Variants in RAB20 observed in about 807,000 individuals in gnomAD.
RAB20 encodes ras-related protein Rab-20.
In RAB20, 2 loss-of-function variants were observed where a neutral mutation model predicts 3.7. The ratio of observed to expected loss-of-function variants is 0.54; its 90% confidence interval spans 0.22 to 1.69. The LOEUF (loss-of-function observed/expected upper bound fraction) is 1.69. RAB20 is among the 40% of genes most tolerant of loss of function. RAB20 has a pLI of 0.19. For synonymous variants in RAB20, 126 were observed against 130.8 expected (o/e 0.96, Z 0.25); for missense variants, 276 against 311.9 (o/e 0.88, Z 0.87).
In RAB20 at chr13:110,537,804, C is replaced by T. The variant is rs115660406; in HGVS notation, c.173-13607G>A. On this transcript the variant is annotated intron_variant, in intron 1 of 1. Transcript: ENST00000267328. The stretch of plus-strand genomic sequence containing the variant: ...GGACCCTGCGGGGCTCAGTGCATCA[C>T]CCCCAGCCCAGATGAGACAAGCATG... Among the ~76,000 whole-genome samples the T allele has an allele frequency of 8.8e-3, 1,337 of 152,174 alleles. 21 individuals are homozygous for T. Among genetic ancestry groups the T allele is most frequent in the African/African-American group, 0.031 (1,277 of 41,522 alleles).
At chr13:110,554,996 G>A (rs1356896139) in intron 1 of RAB20, among the ~76,000 whole-genome samples, 6 of 17,968 alleles carry the variant, frequency 3.3e-4, no homozygotes, top group South Asian at 3.0e-3. Flanking sequence ...CCCTGGCACC[G>A]TGTCAGGGAG....
At chr13:110,549,168 T>A (rs553225459) in intron 1 of RAB20, among the ~76,000 whole-genome samples, 3 of 152,324 alleles carry the variant, frequency 2.0e-5, no homozygotes, top group Admixed American at 2.0e-4. Flanking sequence ...ATCTTGTGAG[T>A]CCACAAAACA....
chr13:110,556,432 G>C (rs906922008), intron 1 of RAB20, among the ~76,000 whole-genome samples: 1 of 152,206 alleles, frequency 6.6e-6, no homozygotes, highest in Non-Finnish European at 1.5e-5. Flanking sequence ...CCTCCAGAAA[G>C]GAATGCAATC....
intron 1 of RAB20, among the ~76,000 whole-genome samples, chr13:110,557,217 G>A (rs917241410): frequency 2.0e-5 from 3 of 152,210 alleles, no homozygotes; most frequent in Non-Finnish European, 2.9e-5. Flanking sequence ...CAGCTGAGTC[G>A]TGCCCCACAG....
chr13:110,556,028 C>T (rs1201858871), intron 1 of RAB20, among the ~76,000 whole-genome samples: 2 of 152,322 alleles, frequency 1.3e-5, no homozygotes, highest in East Asian at 1.9e-4. Context: ...GAGAACCTTG[C>T]CAGTGTTAAC....
At chr13:110,534,617 G>A (rs986266818) in intron 1 of RAB20, among the ~76,000 whole-genome samples, 2 of 152,120 alleles carry the variant, frequency 1.3e-5, no homozygotes, top group African/African-American at 4.8e-5. Flanking sequence ...AGGGTTCCTT[G>A]CCCGGGCAGT....
At chr13:110,549,734 T>TC (rs1884918541) in intron 1 of RAB20, among the ~76,000 whole-genome samples, 1 of 151,450 alleles carries the variant, frequency 6.6e-6, no homozygotes, top group Admixed American at 6.6e-5. Flanking sequence ...TTTTTTTTTT[T>TC]AATTGAGATG....
chr13:110,533,041 G>A (rs1186081969), intron 1 of RAB20, among the ~76,000 whole-genome samples: 1 of 152,210 alleles, frequency 6.6e-6, no homozygotes, highest in Non-Finnish European at 1.5e-5. Flanking sequence ...CCCCTGGCAG[G>A]GAGCTCACAA....
At chr13:110,524,296 T>C in intron 1 of RAB20, 99 bp from the exon 2 acceptor site, 1 of 1,442,200 alleles carries the variant, frequency 6.9e-7, no homozygotes, top group South Asian at 1.4e-5. Flanking sequence ...ATGTTTATTT[T>C]TAGGGCAACA....
At chr13:110,524,760 G>T (rs1261454696) in intron 1 of RAB20, among the ~76,000 whole-genome samples, 1 of 152,172 alleles carries the variant, frequency 6.6e-6, no homozygotes, top group Non-Finnish European at 1.5e-5. Flanking sequence ...AACCACACCT[G>T]CCCTTATCTG....
At chr13:110,528,235 A>G (rs1325814046) in intron 1 of RAB20, among the ~76,000 whole-genome samples, 1 of 151,774 alleles carries the variant, frequency 6.6e-6, no homozygotes, top group Non-Finnish European at 1.5e-5. Context: ...TGACCAACGC[A>G]GAGAAAACCC....
rs765602650 is a variant in RAB20, at chr13:110,524,183, G to T, written c.187C>A (p.His63Asn). ...CGGCAGTACATGGAGCCCAGGCCGT[G>T]GAACTGCTCCCGCCCTGGTGGGAAG... Reference protein sequence around the residue: ...IWDTAGREQFHGLGSMYCRGA... With the variant: ...IWDTAGREQFNGLGSMYCRGA... The change falls in exon 2 of 2, where the codon CAC (histidine) becomes AAC (asparagine). Residue 63 changes from histidine (H) to asparagine (N), a missense_variant. By Grantham distance (68) the His-to-Asn change is moderately conservative. Transcript: ENST00000267328. 6.3e-7 allele frequency: 1 copy of T among 1,595,000 alleles called. No homozygotes were observed. Among genetic ancestry groups the T allele is most frequent in the Admixed American group, 1.7e-5 (1 of 59,648 alleles).
chr13:110,561,236 T>C, intron 1 of RAB20, 112 bp downstream of exon 1: 1 of 1,322,224 alleles, frequency 7.6e-7, no homozygotes. Flanking sequence ...AGGAGGCATT[T>C]GCTGTCCGAG....
chr13:110,531,437 T>C (rs989830686), intron 1 of RAB20, among the ~76,000 whole-genome samples: 1 of 152,226 alleles, frequency 6.6e-6, no homozygotes, highest in African/African-American at 2.4e-5. Flanking sequence ...CAGAGCGTTC[T>C]GGTAAACAGC....
At position 110,535,021 on chromosome 13, in the gene RAB20, A is replaced by T. The variant is rs548313311; in HGVS notation, c.173-10824T>A. On this transcript the variant is annotated intron_variant, in intron 1 of 1. Transcript: ENST00000267328. ...GCTAATTTTTTAATTTTTAGTAGAGATGAGGTCTCACTAAGTTGCCCAGCC... is the reference window on the plus strand; with the variant it reads ...GCTAATTTTTTAATTTTTAGTAGAGTTGAGGTCTCACTAAGTTGCCCAGCC... Among the ~76,000 whole-genome samples, 4 of 151,890 alleles carry T rather than the reference A, an allele frequency of 2.6e-5. No homozygotes were observed. In the East Asian group the frequency reaches 7.7e-4, roughly 29 times the overall value.
chr13:110,529,066 G>C (rs74124701), intron 1 of RAB20, among the ~76,000 whole-genome samples: 269 of 152,352 alleles, frequency 1.8e-3, no homozygotes, highest in African/African-American at 6.1e-3. Flanking sequence ...GGCCAGTCCC[G>C]CAGGGAACAG....
At chr13:110,532,375 T>C (rs1292595022) in intron 1 of RAB20, among the ~76,000 whole-genome samples, 2 of 152,174 alleles carry the variant, frequency 1.3e-5, no homozygotes, top group African/African-American at 4.8e-5. Context: ...CTTTCATTAT[T>C]TATTTATTTA....
chr13:110,552,320 A>G (rs1884966057), intron 1 of RAB20, among the ~76,000 whole-genome samples: 2 of 151,026 alleles, frequency 1.3e-5, no homozygotes, highest in East Asian at 3.9e-4. Context: ...CAGAGGTTGC[A>G]GTGAGCCGAG....
chr13:110,541,472 C>T (rs1013262860), intron 1 of RAB20, among the ~76,000 whole-genome samples: 5 of 152,228 alleles, frequency 3.3e-5, no homozygotes, highest in African/African-American at 1.2e-4. Context: ...AATACAACTG[C>T]CACATGAAAG....
Sources: allele counts gnomAD v4.1 joint callset (sites outside exome capture counted in the v4.1 genomes callset), GRCh38; gene constraint gnomAD v4.1.1; transcripts MANE v1.5; gene names NCBI Gene and HGNC (gene_info 2026-07-23, HGNC 2026-07-21).